The following ADAMTSL1 variants were observed in gnomAD, a reference collection of about 807,000 sequenced individuals.
ADAMTSL1 encodes ADAMTS like 1, also known as ADAMTS-like protein 1.
A neutral mutation model predicts 201.8 loss-of-function variants in ADAMTSL1; 126 were observed. The observed-to-expected ratio is 0.62, with a 90% CI of 0.54 to 0.72. The LOEUF (loss-of-function observed/expected upper bound fraction) is 0.72, where lower values mean the gene tolerates loss of function less well. Among genes scored for constraint, ADAMTSL1 ranks in the 30% least tolerant of loss-of-function variants. The pLI is 0.00. For missense variants in ADAMTSL1, 2,679 were observed against 2,277.8 expected (o/e 1.18, Z -3.59); for synonymous variants, 1,121 against 903.4 (o/e 1.24, Z -4.32).
chr9:18,337,680 T>C (rs1468497600), intron 2 of ADAMTSL1, among the ~76,000 whole-genome samples: 2 of 152,144 alleles, frequency 1.3e-5, no homozygotes, highest in African/African-American at 4.8e-5. Flanking sequence ...TGAGCTAAGG[T>C]TTAAACTCTT....
At chr9:18,569,332 C>A (rs1037014824) in intron 3 of ADAMTSL1, among the ~76,000 whole-genome samples, 2 of 152,082 alleles carry the variant, frequency 1.3e-5, no homozygotes, top group African/African-American at 2.4e-5. Flanking sequence ...AGCTCTGACA[C>A]GGTTAGAATT....
intron 19 of ADAMTSL1, among the ~76,000 whole-genome samples, chr9:18,779,900 A>G (rs111974508): frequency 6.6e-6 from 1 of 152,210 alleles, no homozygotes; most frequent in African/African-American, 2.4e-5. Flanking sequence ...CCCTGGGCCT[A>G]TTGCCTGGGA....
intron 3 of ADAMTSL1, among the ~76,000 whole-genome samples, chr9:18,571,410 G>C (rs761616677): frequency 1.3e-5 from 2 of 152,136 alleles, no homozygotes; most frequent in Non-Finnish European, 2.9e-5. Context: ...CTGCTTTATT[G>C]TATTTCAGTA....
chr9:17,987,797 G>A (rs1480237886), intron 1 of ADAMTSL1, among the ~76,000 whole-genome samples: 1 of 152,002 alleles, frequency 6.6e-6, no homozygotes, highest in East Asian at 1.9e-4. Flanking sequence ...TAAATGTGTT[G>A]CTTGACTGAG....
chr9:18,317,061 A>G (rs901445411), intron 2 of ADAMTSL1, among the ~76,000 whole-genome samples: 3 of 152,206 alleles, frequency 2.0e-5, no homozygotes, highest in Non-Finnish European at 2.9e-5. Flanking sequence ...AAAGAAGACA[A>G]TCTTGTCATT....
At position 18,280,138 on chromosome 9, in the gene ADAMTSL1, G is replaced by T. The variant is rs372715475; in HGVS notation, c.207+116157G>T. On this transcript the variant is annotated intron_variant, in intron 2 of 29. Transcript: ENST00000680146. The stretch of plus-strand genomic sequence containing the variant: ...GCCTGGGTCCATGGGACCTGGCTAG[G>T]TACCAGGTGTGCTTGGAAAATGTAT... 5.3e-5 allele frequency among the ~76,000 whole-genome samples: 8 copies of T among 152,016 alleles called. No homozygotes were observed. The East Asian group carries it at 7.7e-4, about 15-fold the overall frequency.
At chr9:18,189,044 T>C (rs934940018) in intron 2 of ADAMTSL1, among the ~76,000 whole-genome samples, 1 of 152,126 alleles carries the variant, frequency 6.6e-6, no homozygotes, top group Non-Finnish European at 1.5e-5. Flanking sequence ...AATGCTTGGA[T>C]GAGAATGGTA....
intron 1 of ADAMTSL1, among the ~76,000 whole-genome samples, chr9:18,015,483 C>G (rs1028663759): frequency 1.3e-5 from 2 of 152,040 alleles, no homozygotes; most frequent in Admixed American, 6.6e-5. Flanking sequence ...CATTTTGATC[C>G]TAGAGCTCAT....
intron 2 of ADAMTSL1, among the ~76,000 whole-genome samples, chr9:18,514,609 C>A (rs1032120149): frequency 6.6e-6 from 1 of 152,132 alleles, no homozygotes; most frequent in African/African-American, 2.4e-5. Context: ...GGATTACAGG[C>A]GTGAGCCACC....
intron 23 of ADAMTSL1, among the ~76,000 whole-genome samples, chr9:18,881,711 A>C (rs1184548170): frequency 1.3e-5 from 2 of 152,196 alleles, no homozygotes; most frequent in African/African-American, 4.8e-5. Flanking sequence ...ACAAACCTTC[A>C]ATTTGTAACA....
chr9:18,563,264 G>A (rs886893923), intron 3 of ADAMTSL1, among the ~76,000 whole-genome samples: 1 of 152,116 alleles, frequency 6.6e-6, no homozygotes, highest in African/African-American at 2.4e-5. Flanking sequence ...TAACAGTCAG[G>A]CTCCTCTGCT....
intron 10 of ADAMTSL1, among the ~76,000 whole-genome samples, chr9:18,678,349 C>T (rs776531129): frequency 1.3e-5 from 2 of 152,136 alleles, no homozygotes; most frequent in African/African-American, 4.8e-5. Context: ...TGCTCTCTCT[C>T]AGCTTTTGTT....
At chr9:18,271,221 G>T (rs1405791066) in intron 2 of ADAMTSL1, among the ~76,000 whole-genome samples, 2 of 152,118 alleles carry the variant, frequency 1.3e-5, no homozygotes, top group Non-Finnish European at 2.9e-5. Flanking sequence ...TAGGGTACAT[G>T]TGCACAACGT....
chr9:18,901,264 T>C (rs1830001539), intron 26 of ADAMTSL1, among the ~76,000 whole-genome samples: 1 of 152,214 alleles, frequency 6.6e-6, no homozygotes, highest in Admixed American at 6.5e-5. Context: ...AGGGAGCTTG[T>C]TGCCACTATT....
At chr9:18,350,906 A>G (rs141599811) in intron 2 of ADAMTSL1, among the ~76,000 whole-genome samples, 7 of 152,184 alleles carry the variant, frequency 4.6e-5, no homozygotes, top group South Asian at 2.1e-4. Flanking sequence ...GGTGGCAAGA[A>G]CTTCATAGAA....
rs774934146 is a variant in ADAMTSL1 at position 18,706,871 on chromosome 9, T to C, written c.1699T>C (p.Cys567Arg). ...QSVADLPIDECEGPKPASQRA... is the reference protein window; with the variant it reads ...QSVADLPIDEREGPKPASQRA... ...CGTGGCTGACCTGCCTATTGACGAG[T>C]GTGAAGGGCCCAAGCCAGCATCCCA... The change falls in exon 14 of 29, where the codon TGT (cysteine) becomes CGT (arginine). Residue 567 changes from cysteine (C) to arginine (R), a missense_variant. Physicochemically the swap from Cys to Arg is radical, Grantham distance 180. Transcript: ENST00000380548. The C allele has an allele frequency of 6.2e-7, 1 of 1,613,538 alleles. No individual in the cohort carries two copies. The highest frequency in any genetic ancestry group is 8.5e-7 in the Non-Finnish European group (1 of 1,179,732).
chr9:18,332,943 A>G (rs991981598), intron 2 of ADAMTSL1, among the ~76,000 whole-genome samples: 1 of 152,124 alleles, frequency 6.6e-6, no homozygotes, highest in Non-Finnish European at 1.5e-5. Context: ...ATCATCTGTA[A>G]GCGTATGAGG....
At chr9:18,393,392 C>T (rs1356188890) in intron 2 of ADAMTSL1, among the ~76,000 whole-genome samples, 1 of 152,144 alleles carries the variant, frequency 6.6e-6, no homozygotes, top group Admixed American at 6.5e-5. Flanking sequence ...TAATGACTCA[C>T]CATCCCAGTT....
At chr9:18,574,366 A>G (rs746292945) in intron 4 of ADAMTSL1, 100 bp downstream of exon 4, 1 of 1,077,862 alleles carries the variant, frequency 9.3e-7, no homozygotes, top group Admixed American at 1.8e-5. Context: ...TCATCTTTAC[A>G]CTTTTTAGAG....
Sources: gnomAD v4.1 joint callset for allele counts (sites outside exome capture counted in the v4.1 genomes callset) on GRCh38, gnomAD v4.1.1 for gene constraint, MANE v1.5 for transcripts, NCBI Gene and HGNC (gene_info 2026-07-23, HGNC 2026-07-21) for gene names.